The following ADAM7 variants were observed in gnomAD, a reference collection of about 807,000 sequenced individuals.
The protein encoded by ADAM7 is ADAM metallopeptidase domain 7.
In ADAM7, 97 loss-of-function variants were observed where a neutral mutation model predicts 102.9. The ratio of observed to expected loss-of-function variants is 0.94; its 90% CI spans 0.80 to 1.12. The LOEUF is 1.12. Among genes scored for constraint, ADAM7 ranks in the 50% most tolerant of loss-of-function variants. The pLI is 0.00. For synonymous variants in ADAM7, 334 were observed against 304.4 expected (o/e 1.10, Z -1.01); for missense variants, 991 against 908.7 (o/e 1.09, Z -1.16).
At chr8:24,482,029 G>T in intron 8 of ADAM7, 113 bp from the exon 9 acceptor site, 1 of 748,914 alleles carries the variant, frequency 1.3e-6, no homozygotes, top group Non-Finnish European at 2.1e-6. Context: ...GTTTACTAAT[G>T]TACCTCACAA....
intron 20 of ADAM7, among the ~76,000 whole-genome samples, chr8:24,505,408 G>T (rs1420521239): frequency 1.3e-5 from 2 of 152,118 alleles, no homozygotes; most frequent in Admixed American, 6.6e-5. Context: ...ACTGTTGATG[G>T]TATATACACC....
chr8:24,492,780 T>A (rs1378753597), intron 15 of ADAM7, among the ~76,000 whole-genome samples, 183 bp downstream of exon 15: 1 of 152,114 alleles, frequency 6.6e-6, no homozygotes, highest in Non-Finnish European at 1.5e-5. Flanking sequence ...AAAAAAATAT[T>A]CCCCTGTAAA....
intron 16 of ADAM7, among the ~76,000 whole-genome samples, chr8:24,494,577 G>T (rs1203497253): frequency 6.6e-6 from 1 of 152,180 alleles, no homozygotes; most frequent in Non-Finnish European, 1.5e-5. Flanking sequence ...TCCGCATAGA[G>T]AGCTTATTCC....
At chr8:24,442,418 G>T in intron 1 of ADAM7, 55 bp from the exon 2 acceptor site, 3 of 1,200,498 alleles carry the variant, frequency 2.5e-6, no homozygotes, top group African/African-American at 1.5e-5. Flanking sequence ...TTTTTCAGCC[G>T]CTGTAGACGA....
At position 24,499,302 on chromosome 8, in the gene ADAM7, T is replaced by G. The variant is rs1820665786; in HGVS notation, c.1909T>G (p.Cys637Gly). The G allele has an allele frequency of 6.2e-7, 1 of 1,605,288 alleles. No homozygotes were observed. The change falls in exon 17 of 22, where the codon TGC becomes GGC. Residue 637 changes from cysteine (C) to glycine (G), a missense_variant. Transcript: ENST00000175238. Reference sequence around the variant, plus strand: ...TATCTCAACCAATTGCCCCTCTCAGTGCAATGAAAATCCTGTAAGATATGA... The same window carrying G: ...TATCTCAACCAATTGCCCCTCTCAGGGCAATGAAAATCCTGTAAGATATGA... ...VYISTNCPSQ[C>G]NENPVDGHGL... is the part of the protein sequence containing the mutation.
intron 20 of ADAM7, 105 bp from the exon 21 acceptor site, chr8:24,507,375 G>C (rs934541290): frequency 3.5e-6 from 3 of 845,296 alleles, no homozygotes; most frequent in Non-Finnish European, 5.9e-6. Context: ...TGGCCTGCGT[G>C]TGTATGTGCT....
rs775659546 is a variant in ADAM7, at chr8:24,447,243, C to T, written c.214C>T (p.Leu72Phe). 2.6e-6 allele frequency: 4 copies of T among 1,519,342 alleles called. No homozygotes were observed. In the Admixed American group the frequency reaches 5.5e-5, roughly 21 times the overall value. The allele number at this position is 1,519,342 out of a possible 1,614,324, so 94.1% of individuals were successfully genotyped here. The change falls in exon 3 of 22, where the codon CTT (leucine) becomes TTT (phenylalanine). Residue 72 changes from leucine (L) to phenylalanine (F), a missense_variant. Physicochemically the swap from Leu to Phe is conservative, Grantham distance 22. Transcript: ENST00000175238. ...EIKLNRKTLVLHLLRSREFLG... is the reference protein window; with the variant it reads ...EIKLNRKTLVFHLLRSREFLG... ...AAAACTAAATAGAAAAACCTTAGTC[C>T]TTCATCTTCTAAGATCCAGGTAAGT...
chr8:24,505,983 G>A, intron 20 of ADAM7: 1 of 807,370 alleles, frequency 1.2e-6, no homozygotes, highest in Admixed American at 2.2e-5. Context: ...CCCTGAGATA[G>A]ACTCATATGT....
chr8:24,478,376 A>G (rs528117825), intron 8 of ADAM7, among the ~76,000 whole-genome samples: 1 of 152,274 alleles, frequency 6.6e-6, no homozygotes, highest in East Asian at 1.9e-4. Flanking sequence ...GCTTCAAATT[A>G]CTAGACTTGT....
chr8:24,442,938 C>T (rs1818424122), intron 2 of ADAM7, among the ~76,000 whole-genome samples: 1 of 152,112 alleles, frequency 6.6e-6, no homozygotes, highest in Non-Finnish European at 1.5e-5. Context: ...ATAGAGTCTG[C>T]AGCAAAGATG....
chr8:24,459,860 T>A (rs1452351770), intron 3 of ADAM7, among the ~76,000 whole-genome samples: 1 of 152,126 alleles, frequency 6.6e-6, no homozygotes, highest in Non-Finnish European at 1.5e-5. Flanking sequence ...TCTTATTGAG[T>A]GTTTATTTTT....
intron 12 of ADAM7, 120 bp downstream of exon 12, chr8:24,489,453 G>T (rs1234131503): frequency 3.1e-6 from 3 of 957,930 alleles, no homozygotes; most frequent in South Asian, 2.3e-5. Flanking sequence ...TAAAAATTTT[G>T]CTTTCCATTT....
chr8:24,460,203 ATTTCC>A, intron 3 of ADAM7, among the ~76,000 whole-genome samples: 1 of 152,052 alleles, frequency 6.6e-6, no homozygotes, highest in South Asian at 2.1e-4. Flanking sequence ...TCTTTTATTC[ATTTCC>A]TTTCAACATA....
At chr8:24,472,130 A>C (rs1463091522) in intron 7 of ADAM7, among the ~76,000 whole-genome samples, 1 of 151,512 alleles carries the variant, frequency 6.6e-6, no homozygotes, top group Non-Finnish European at 1.5e-5. Context: ...AACAAAAAAA[A>C]AAAAAAAACA....
At chr8:24,473,080 A>G (rs934235258) in intron 7 of ADAM7, among the ~76,000 whole-genome samples, 1 of 152,160 alleles carries the variant, frequency 6.6e-6, no homozygotes, top group Non-Finnish European at 1.5e-5. Flanking sequence ...CTATCAGCAA[A>G]TAAAGACACC....
intron 8 of ADAM7, among the ~76,000 whole-genome samples, chr8:24,481,226 C>A (rs1030552820): frequency 1.3e-5 from 2 of 152,142 alleles, no homozygotes; most frequent in Non-Finnish European, 2.9e-5. Flanking sequence ...GAAATGACTT[C>A]TTTGGCCTCT....
intron 8 of ADAM7, 44 bp from the exon 9 acceptor site, chr8:24,482,098 T>G (rs1396021912): frequency 7.0e-7 from 1 of 1,428,336 alleles, no homozygotes; most frequent in East Asian, 2.4e-5. Flanking sequence ...GAAGACTGTT[T>G]CCAGCAACTT....
intron 10 of ADAM7, 49 bp from the exon 11 acceptor site, chr8:24,487,138 A>G (rs1222962278): frequency 1.3e-6 from 2 of 1,586,402 alleles, no homozygotes; most frequent in Non-Finnish European, 1.7e-6. Flanking sequence ...ACTATGTACT[A>G]CAGTATGCTA....
rs1820174134 is a variant in ADAM7, at chr8:24,487,275, G to A, written c.1049G>A (p.Cys350Tyr). The A allele has an allele frequency of 2.5e-6, 4 of 1,613,752 alleles. No homozygotes were observed. The African/African-American group carries it at 5.3e-5, about 22-fold the overall frequency. The part of the protein sequence containing the change: ...NLGMQHDEFP[C>Y]TCPSGKCVMD... ...GGGATGCAGCATGACGAGTTCCCAT[G>A]CACCTGTCCTTCAGGAAAATGCGTG... is the stretch of plus-strand genomic sequence containing the variant. Residue 350 changes from cysteine (C) to tyrosine (Y), a missense_variant, in exon 11 of 22, where the codon TGC (cysteine) becomes TAC (tyrosine). Cys to Tyr is a radical substitution (Grantham distance 194, BLOSUM62 -2). Coordinates refer to ENST00000175238, the MANE Select transcript of ADAM7 (RefSeq NM_003817.4).
Sources: gnomAD v4.1 joint callset for allele counts (sites outside exome capture counted in the v4.1 genomes callset) on GRCh38, gnomAD v4.1.1 for gene constraint, MANE v1.5 for transcripts, NCBI Gene and HGNC (gene_info 2026-07-23, HGNC 2026-07-21) for gene names.